ZNF395: variants seen among roughly 807,000 people sequenced by gnomAD.
The protein encoded by ZNF395 is zinc finger protein 395, also known as HD gene regulatory region-binding protein 2.
Under a neutral mutation model 57.7 loss-of-function variants are expected in ZNF395, and 20 were observed. The observed-to-expected ratio is 0.35, with a 90% CI of 0.24 to 0.50. ZNF395 has a LOEUF of 0.50. ZNF395 is among the 20% of genes least tolerant of loss of function. The pLI is 0.97. For missense variants in ZNF395, 606 were observed against 671.2 expected (o/e 0.90, Z 1.07); for synonymous variants, 295 against 275.9 (o/e 1.07, Z -0.69).
At chr8:28,354,067 C>T (rs1169307807) in intron 4 of ZNF395, among the ~76,000 whole-genome samples, 1 of 152,210 alleles carries the variant, frequency 6.6e-6, no homozygotes, top group Non-Finnish European at 1.5e-5. Flanking sequence ...GTGGAACCTG[C>T]TTTAATCAAG....
intron 1 of ZNF395, among the ~76,000 whole-genome samples, chr8:28,379,842 TAAA>T (rs748360582): frequency 8.1e-6 from 1 of 123,934 alleles, no homozygotes. Context: ...ATACAAACGT[TAAA>T]AAAAAAAAAA....
In ZNF395 at chr8:28,360,880, C is replaced by T. The variant is rs542618543; in HGVS notation, c.240+5G>A. 1.2e-6 allele frequency: 2 copies of T among 1,613,330 alleles called. No homozygotes were observed. The highest frequency in any genetic ancestry group is 3.3e-5 in the Admixed American group (2 of 59,960). ...GGACACCTGTCCATGTTGGGATCAA[C>T]CTACCTTCTGCCCAGGCTGAAAGGC... On this transcript the variant is annotated splice_donor_5th_base_variant and intron_variant, in intron 2 of 9. Coordinates refer to ENST00000344423, the MANE Select transcript of ZNF395 (RefSeq NM_018660.3).
intron 8 of ZNF395, 83 bp from the exon 9 acceptor site, chr8:28,349,311 T>TC (rs1478241859): frequency 8.9e-7 from 1 of 1,123,632 alleles, no homozygotes; most frequent in Non-Finnish European, 1.2e-6. Flanking sequence ...CAGCCACCCG[T>TC]CCCCAGCTCC....
chr8:28,361,051 G>A lies in ZNF395; in HGVS notation c.74C>T (p.Ser25Leu), dbSNP rs748674074. 62 of 1,611,654 alleles carry A rather than the reference G, an allele frequency of 3.8e-5. No individual in the cohort carries two copies. The highest frequency in any genetic ancestry group is 5.3e-5 in the Non-Finnish European group (62 of 1,179,276). ...GGGTGGGGCAGCCGAGGGCCCCTCC[G>A]AGGCACTGGGTCCCAACACCCGGGC... The part of the protein sequence containing the change: ...LGARVLGPSA[S>L]EGPSAAPPSE... The change falls in exon 2 of 10, where the codon TCG becomes TTG. Residue 25 changes from serine to leucine, a missense_variant. Transcript: ENST00000344423.
chr8:28,365,710 G>A (rs191138680), intron 1 of ZNF395, among the ~76,000 whole-genome samples: 8 of 152,310 alleles, frequency 5.3e-5, no homozygotes, highest in African/African-American at 1.7e-4. Context: ...ACCAACAGGA[G>A]GGGTTGGCTA....
intron 8 of ZNF395, among the ~76,000 whole-genome samples, 198 bp downstream of exon 8, chr8:28,349,866 G>A (rs755022919): frequency 3.3e-5 from 5 of 152,226 alleles, no homozygotes; most frequent in South Asian, 2.1e-4. Flanking sequence ...CCACCTCCGC[G>A]AGGGGCTATG....
chr8:28,366,189 A>T (rs987232584), intron 1 of ZNF395, among the ~76,000 whole-genome samples: 7 of 152,224 alleles, frequency 4.6e-5, no homozygotes, highest in Admixed American at 4.6e-4. Context: ...AATAATTTAT[A>T]GGTCAACTGA....
intron 1 of ZNF395, among the ~76,000 whole-genome samples, chr8:28,362,664 C>CA (rs1158761831): frequency 6.6e-6 from 1 of 152,216 alleles, no homozygotes; most frequent in Non-Finnish European, 1.5e-5. Flanking sequence ...AGAAGCCCCC[C>CA]AGGCTCTCTT....
At chr8:28,360,387 C>T (rs1436905465) in intron 2 of ZNF395, among the ~76,000 whole-genome samples, 1 of 152,210 alleles carries the variant, frequency 6.6e-6, no homozygotes, top group Non-Finnish European at 1.5e-5. Context: ...GAACCCCAGG[C>T]ACCTGGACCT....
chr8:28,348,142 T>G lies in ZNF395; in HGVS notation c.*577A>C, dbSNP rs1337197063. ...GTCGTCACCAAGAAAGGGATTTCCT[T>G]TGACTTCCATGCAGGATGCTCAGAC... On this transcript the variant is annotated 3_prime_UTR_variant, in exon 10 of 10. Transcript: ENST00000344423. 6.6e-6 allele frequency: 1 copy of G among 152,158 alleles called. No individual in the cohort carries two copies. The highest frequency in any genetic ancestry group is 1.5e-5 in the Non-Finnish European group (1 of 68,046). 9.4% of individuals were successfully genotyped at this position (152,158 alleles called of 1,614,324 possible).
intron 7 of ZNF395, 105 bp from the exon 8 acceptor site, chr8:28,350,261 G>GTT: frequency 2.1e-6 from 2 of 947,930 alleles, no homozygotes; most frequent in Non-Finnish European, 3.2e-6. Context: ...GCATCTCTGC[G>GTT]TAAGTGCAAT....
intron 1 of ZNF395, among the ~76,000 whole-genome samples, chr8:28,369,193 T>C (rs530125712): frequency 6.6e-6 from 1 of 150,968 alleles, no homozygotes; most frequent in South Asian, 2.1e-4. Flanking sequence ...TATTTGGAAC[T>C]CAAAAGTCAT....
intron 1 of ZNF395, among the ~76,000 whole-genome samples, chr8:28,371,879 T>A (rs1358916325): frequency 3.3e-5 from 5 of 151,952 alleles, no homozygotes; most frequent in African/African-American, 1.2e-4. Context: ...CAAAACCTCA[T>A]CTCTACTAAA....
Position 28,346,194 on chromosome 8 carries a change from G to A in ZNF395, c.*2525C>T. On this transcript the variant is annotated 3_prime_UTR_variant, in exon 10 of 10. Transcript: ENST00000344423. ...AACAGTTTCCCAAGATAACTGCTTT[G>A]AAAACCAGTCCCGTTAGTTTCTAAA... The A allele has an allele frequency of 6.6e-6, 1 of 152,134 alleles. No individual in the cohort carries two copies. The highest frequency in any genetic ancestry group is 2.4e-5 in the African/African-American group (1 of 41,430). 9.4% of individuals were successfully genotyped at this position (152,134 alleles called of 1,614,324 possible).
At chr8:28,366,652 G>C (rs138145354) in intron 1 of ZNF395, among the ~76,000 whole-genome samples, 65 of 152,236 alleles carry the variant, frequency 4.3e-4, no homozygotes, top group Non-Finnish European at 7.6e-4. Context: ...GTACTTGCAA[G>C]CATATTTGTA....
chr8:28,357,594 C>T (rs1258659484), intron 3 of ZNF395, among the ~76,000 whole-genome samples: 2 of 152,150 alleles, frequency 1.3e-5, no homozygotes, highest in Admixed American at 6.5e-5. Context: ...AATTCAGGTC[C>T]GCCAAAATAT....
chr8:28,350,028 C>G (rs1385549243), intron 8 of ZNF395, 36 bp downstream of exon 8: 3 of 1,536,936 alleles, frequency 2.0e-6, no homozygotes, highest in Non-Finnish European at 2.6e-6. Flanking sequence ...AGCCCTCGGC[C>G]ATACGAGGCC....
Position 28,361,090 on chromosome 8 carries a change from C to G in ZNF395, c.35G>C (p.Arg12Pro). 1.2e-6 allele frequency: 2 copies of G among 1,612,734 alleles called. No homozygotes were observed. Among genetic ancestry groups the G allele is most frequent in the Non-Finnish European group, 1.7e-6 (2 of 1,179,938 alleles). The change falls in exon 2 of 10, where the codon CGG (arginine) becomes CCG (proline). Residue 12 changes from arginine to proline, a missense_variant. Arg to Pro is a moderately radical substitution (Grantham distance 103). Transcript: ENST00000344423. ...ASVLSRRLGK[R>P]SLLGARVLGP... ...CAACACCCGGGCTCCCAGGAGGGAC[C>G]GCTTTCCAAGGCGTCGGGACAGGAC...
rs746392578 is a variant in ZNF395, at chr8:28,361,045, C to A, written c.80G>T (p.Gly27Val). ...CTCCGAGGGTGGGGCAGCCGAGGGCCCCTCCGAGGCACTGGGTCCCAACAC... is the reference window on the plus strand; with the variant it reads ...CTCCGAGGGTGGGGCAGCCGAGGGCACCTCCGAGGCACTGGGTCCCAACAC... ...ARVLGPSASEGPSAAPPSEPL... is the reference protein window; with the variant it reads ...ARVLGPSASEVPSAAPPSEPL... The change falls in exon 2 of 10, where the codon GGG becomes GTG. Residue 27 changes from glycine (G) to valine (V), a missense_variant. Gly to Val is a moderately radical substitution (Grantham distance 109). Coordinates refer to ENST00000344423, the MANE Select transcript of ZNF395 (RefSeq NM_018660.3). 1.9e-6 allele frequency: 3 copies of A among 1,609,892 alleles called. No homozygotes were observed. Among genetic ancestry groups the A allele is most frequent in the Non-Finnish European group, 2.5e-6 (3 of 1,178,798 alleles).
Sources: gnomAD v4.1 joint callset for allele counts (sites outside exome capture counted in the v4.1 genomes callset) on GRCh38, gnomAD v4.1.1 for gene constraint, MANE v1.5 for transcripts, NCBI Gene and HGNC (gene_info 2026-07-23, HGNC 2026-07-21) for gene names.